The following PATJ variants were observed in gnomAD, a reference collection of about 807,000 sequenced individuals.
The protein encoded by PATJ is PATJ crumbs cell polarity complex component, also known as inaD-like protein.
A neutral mutation model predicts 224.9 loss-of-function variants in PATJ; 190 were observed. The ratio of observed to expected loss-of-function variants is 0.84; its 90% CI spans 0.75 to 0.95. PATJ has a LOEUF of 0.95. Ranked by LOEUF, PATJ falls within the 40% of genes least tolerant of loss-of-function variation. PATJ has a pLI of 0.00. For synonymous variants in PATJ, 769 were observed against 820.3 expected (o/e 0.94, Z 1.07); for missense variants, 2,121 against 2,270.3 (o/e 0.93, Z 1.34).
At chr1:61,973,103 A>G (rs1683199375) in intron 27 of PATJ, among the ~76,000 whole-genome samples, 2 of 152,066 alleles carry the variant, frequency 1.3e-5, no homozygotes, top group South Asian at 4.1e-4. Context: ...TTTCTTGACC[A>G]ATTCAGATAA....
chr1:61,855,355 T>G (rs1663484930), intron 17 of PATJ, among the ~76,000 whole-genome samples: 1 of 152,162 alleles, frequency 6.6e-6, no homozygotes, highest in Non-Finnish European at 1.5e-5. Flanking sequence ...CTGAAATTGT[T>G]AAGATTATAT....
intron 33 of PATJ, among the ~76,000 whole-genome samples, chr1:62,088,802 A>G (rs1225896080): frequency 6.7e-6 from 1 of 148,520 alleles, no homozygotes; most frequent in Non-Finnish European, 1.5e-5. Flanking sequence ...AGTAGAATAT[A>G]TATATATAGA....
Position 62,117,236 on chromosome 1 carries a change from A to T in PATJ, c.4890+18A>T. On this transcript the variant is annotated intron_variant, in intron 37 of 43. Coordinates refer to ENST00000642238, the MANE Select transcript of PATJ (RefSeq NM_001350145.3). ...ACAGTCAGGTTGTCGATGGCTTCTC[A>T]TCAGACTGACTCACTCTTCTGCCCC... The T allele has an allele frequency of 1.2e-6, 2 of 1,612,828 alleles. No homozygotes were observed. Among genetic ancestry groups the T allele is most frequent in the Middle Eastern group, 1.7e-4 (1 of 6,060 alleles).
At chr1:61,852,691 A>G (rs893049952) in intron 17 of PATJ, 2 of 152,184 alleles carry the variant, frequency 1.3e-5, no homozygotes, top group African/African-American at 4.8e-5. Context: ...ACATGCACAT[A>G]ATATCATAGA....
intron 43 of PATJ, among the ~76,000 whole-genome samples, chr1:62,157,323 C>G (rs75876543): frequency 6.9e-6 from 1 of 144,788 alleles, no homozygotes; most frequent in Non-Finnish European, 1.5e-5. Flanking sequence ...GACTCCATCT[C>G]AAAAAAAAAA....
At chr1:61,858,617 G>A (rs533161287) in intron 18 of PATJ, among the ~76,000 whole-genome samples, 17 of 152,094 alleles carry the variant, frequency 1.1e-4, no homozygotes, top group Non-Finnish European at 2.2e-4. Context: ...ATTCACCATC[G>A]CGAAGACAGC....
chr1:62,161,199 G>C lies in PATJ; in HGVS notation c.*145G>C. 1.9e-6 allele frequency: 1 copy of C among 529,394 alleles called. No homozygotes were observed. The highest frequency in any genetic ancestry group is 3.0e-6 in the Non-Finnish European group (1 of 338,608). 32.8% of individuals were successfully genotyped at this position (529,394 alleles called of 1,614,324 possible). A position where few individuals can be genotyped will look rare whatever the true frequency, so the allele number is the denominator to read the frequency against. On this transcript the variant is annotated 3_prime_UTR_variant, in exon 44 of 44. Coordinates refer to ENST00000642238, the MANE Select transcript of PATJ (RefSeq NM_001350145.3). The stretch of plus-strand genomic sequence containing the variant: ...CTCTCTGCTCAGGAGAAATGGCTGA[G>C]GTTTCATGTGAATTTCCCAAATCAA...
chr1:61,850,782 G>C (rs974875000), intron 17 of PATJ, among the ~76,000 whole-genome samples: 1 of 152,230 alleles, frequency 6.6e-6, no homozygotes, highest in African/African-American at 2.4e-5. Flanking sequence ...TCCTCACCAG[G>C]AAAGTGGGGA....
chr1:61,864,355 A>T lies in PATJ; in HGVS notation c.2557A>T (p.Met853Leu). The T allele has an allele frequency of 6.2e-7, 1 of 1,614,136 alleles. No individual in the cohort carries two copies. The highest frequency in any genetic ancestry group is 8.5e-7 in the Non-Finnish European group (1 of 1,179,952). The part of the protein sequence containing the change: ...EIEQSKEAWE[M>L]HEFLTPRLQE... ...AGAGCAAAGCAAGGAGGCCTGGGAG[A>T]TGCATGAATTTCTGACTCCTAGATT... Residue 853 changes from methionine to leucine, a missense_variant, in exon 20 of 44, where the codon ATG becomes TTG. Transcript: ENST00000642238.
At chr1:61,822,893 T>TA in intron 14 of PATJ, 52 bp from the exon 15 acceptor site, 1 of 1,606,582 alleles carries the variant, frequency 6.2e-7, no homozygotes, top group African/African-American at 1.3e-5. Flanking sequence ...GGAGGATGAA[T>TA]AGCCGGATGT....
At chr1:61,751,999 G>A (rs555697036) in intron 1 of PATJ, among the ~76,000 whole-genome samples, 14 of 151,828 alleles carry the variant, frequency 9.2e-5, no homozygotes, top group African/African-American at 3.4e-4. Flanking sequence ...TTAGCCCAGC[G>A]TGGTGGGTCA....
At position 61,807,681 on chromosome 1, in the gene PATJ, C is replaced by T. The variant is rs35792661; in HGVS notation, c.1627-793C>T. On this transcript the variant is annotated intron_variant, in intron 13 of 43. Transcript: ENST00000642238. ...AGGCATGATGGAGAATGAATGAATG[C>T]GTGTACTCCAATATTTCTTATTTTG... Among the ~76,000 whole-genome samples, 349 of 152,226 alleles carry T rather than the reference C, an allele frequency of 2.3e-3. 1 individual carries two copies. Among genetic ancestry groups the T allele is most frequent in the Middle Eastern group, 6.8e-3 (2 of 294 alleles).
intron 28 of PATJ, among the ~76,000 whole-genome samples, chr1:62,007,773 CATG>C (rs1646179297): frequency 6.6e-6 from 1 of 152,166 alleles, no homozygotes. Context: ...TATGCACACA[CATG>C]GTGAAGGGAG....
chr1:61,901,434 T>G lies in PATJ; in HGVS notation c.3356T>G (p.Leu1119Arg). ...EDSPAGKTNA[L>R]KTGDKILEVS... The stretch of plus-strand genomic sequence containing the variant: ...AGTCCAGCAGGGAAGACGAACGCAC[T>G]TAAAACTGGAGATAAAATACTTGAG... The change falls in exon 24 of 44, where the codon CTT becomes CGT. Residue 1119 changes from leucine (L) to arginine (R), a missense_variant. Coordinates refer to ENST00000642238, the MANE Select transcript of PATJ (RefSeq NM_001350145.3). 1 of 1,585,380 alleles carries G rather than the reference T, an allele frequency of 6.3e-7. No homozygotes were observed. Among genetic ancestry groups the G allele is most frequent in the Non-Finnish European group, 8.5e-7 (1 of 1,170,438 alleles).
chr1:61,920,667 C>T (rs1333669317), intron 26 of PATJ, among the ~76,000 whole-genome samples: 1 of 139,458 alleles, frequency 7.2e-6, no homozygotes, highest in Admixed American at 7.2e-5. Flanking sequence ...GAAGTCAGGT[C>T]TTTAACTTCA....
intron 27 of PATJ, among the ~76,000 whole-genome samples, chr1:61,983,260 T>G (rs1274214651): frequency 6.6e-6 from 1 of 152,052 alleles, no homozygotes; most frequent in African/African-American, 2.4e-5. Context: ...CTGAAAATGT[T>G]AATAAAAATT....
chr1:62,159,555 CTTT>C (rs56862738), intron 43 of PATJ, among the ~76,000 whole-genome samples: 30,167 of 134,658 alleles, frequency 0.22, 5,733 homozygotes, highest in East Asian at 0.71. Flanking sequence ...ATTTCGAATA[CTTT>C]TTTTTTTTTT....
chr1:61,909,290 C>A (rs1194296475), intron 25 of PATJ, among the ~76,000 whole-genome samples: 1 of 152,128 alleles, frequency 6.6e-6, no homozygotes, highest in East Asian at 1.9e-4. Context: ...TACAATTTTT[C>A]TTCTGTAATT....
chr1:62,143,310 GA>G lies in PATJ; in HGVS notation c.5272-4970del, dbSNP rs952890194. 5.9e-5 allele frequency among the ~76,000 whole-genome samples: 9 copies of G among 152,158 alleles called. No homozygotes were observed. In the East Asian group the frequency reaches 1.7e-3, roughly 29 times the overall value. Reference sequence around the variant, plus strand: ...TTTACTAAAATGAGGAAAACTAGAAGAAAAGTGAATTGAAGGAGATGAATTG... The same window carrying G: ...TTTACTAAAATGAGGAAAACTAGAAGAAAGTGAATTGAAGGAGATGAATTG... On this transcript the variant is annotated intron_variant, in intron 41 of 43. Coordinates refer to ENST00000642238, the MANE Select transcript of PATJ (RefSeq NM_001350145.3).
Sources: allele counts gnomAD v4.1 joint callset (sites outside exome capture counted in the v4.1 genomes callset), GRCh38; gene constraint gnomAD v4.1.1; transcripts MANE v1.5; gene names NCBI Gene and HGNC (gene_info 2026-07-23, HGNC 2026-07-21).